The following CASP14 variants were observed in gnomAD, a reference collection of about 807,000 sequenced individuals.
The protein encoded by CASP14 is caspase-14.
Under a neutral mutation model 28.4 loss-of-function variants are expected in CASP14, and 27 were observed. That is an observed-to-expected ratio of 0.95 (90% CI 0.70 to 1.31). CASP14 has a LOEUF of 1.31. Among genes scored for constraint, CASP14 ranks in the 50% most tolerant of loss-of-function variants. The pLI is 0.00. For missense variants in CASP14, 323 were observed against 312.8 expected (o/e 1.03, Z -0.25); for synonymous variants, 115 against 118.6 (o/e 0.97, Z 0.20).
rs151300139 is a variant in CASP14, at chr19:15,052,391, G to A, written c.27+113G>A. On this transcript the variant is annotated intron_variant, in intron 2 of 6. Transcript: ENST00000427043. ...GAAAAAATCATGATCTGAACTCAGA[G>A]CTAGGAGGTACTTTGTAGTCAATCA... The A allele has an allele frequency of 9.6e-5, 102 of 1,066,524 alleles. No homozygotes were observed. In the African/African-American group the frequency reaches 1.6e-3, roughly 16 times the overall value. 66.1% of individuals were successfully genotyped at this position (1,066,524 alleles called of 1,614,324 possible). A position where few individuals can be genotyped will look rare whatever the true frequency, so the allele number is the denominator to read the frequency against.
rs144511666 is a variant in CASP14 at position 15,055,389 on chromosome 19, C to G, written c.521-41C>G. The stretch of plus-strand genomic sequence containing the variant: ...CCCTTCCAGGATCCCCTCTACCTAC[C>G]CTCTGAAGCTCCCCCGAACCCACCT... On this transcript the variant is annotated intron_variant, in intron 5 of 6. Transcript: ENST00000427043. 300 of 1,590,400 alleles carry G rather than the reference C, an allele frequency of 1.9e-4. 1 individual carries two copies. In the African/African-American group the frequency reaches 3.8e-3, roughly 20 times the overall value.
chr19:15,053,433 C>T (rs1437892518), intron 2 of CASP14, 49 bp from the exon 3 acceptor site: 1 of 1,610,252 alleles, frequency 6.2e-7, no homozygotes, highest in African/African-American at 1.3e-5. Flanking sequence ...ACTACATCTG[C>T]TTCTCCTTGA....
rs118114468 is a variant in CASP14, at chr19:15,054,180, C to A, written c.403+222C>A. ...TTGTAGACAGGGTCTGATTATGTTG[C>A]CCAGGCTGGTCTCAAACTCCTGAGC... On this transcript the variant is annotated intron_variant, in intron 4 of 6. Coordinates refer to ENST00000427043, the MANE Select transcript of CASP14 (RefSeq NM_012114.3). Among the ~76,000 whole-genome samples the A allele has an allele frequency of 4.4e-3, 671 of 152,216 alleles. 5 individuals are homozygous for A. The highest frequency in any genetic ancestry group is 6.8e-3 in the Non-Finnish European group (463 of 68,016).
At position 15,055,140 on chromosome 19, in the gene CASP14, CTCT is replaced by C. The variant is rs1371811987; in HGVS notation, c.404-13_404-11del. Reference sequence around the variant, plus strand: ...CCTTTCTCTCTGACTTTGCCTCCTCCTCTTCTTGTTGTTTCAGAACAAAGGGAC... The same window carrying C: ...CCTTTCTCTCTGACTTTGCCTCCTCCTCTTGTTGTTTCAGAACAAAGGGAC... On this transcript the variant is annotated splice_polypyrimidine_tract_variant and intron_variant, in intron 4 of 6. Transcript: ENST00000427043. 3.7e-6 allele frequency: 6 copies of C among 1,603,264 alleles called. No homozygotes were observed. Among genetic ancestry groups the C allele is most frequent in the African/African-American group, 1.3e-5 (1 of 74,670 alleles).
rs1379183049 is a variant in CASP14 at position 15,052,104 on chromosome 19, G to A, written c.-46-102G>A. The A allele has an allele frequency of 5.5e-6, 4 of 731,276 alleles. No homozygotes were observed. The African/African-American group carries it at 7.4e-5, about 13-fold the overall frequency. The allele number at this position is 731,276 out of a possible 1,614,324, so 45.3% of individuals were successfully genotyped here. ...CACAGACCAAATCCCCACCACTTGAGTGCTATTTGGTCTCAAAAATCCAGA... is the reference window on the plus strand; with the variant it reads ...CACAGACCAAATCCCCACCACTTGAATGCTATTTGGTCTCAAAAATCCAGA... On this transcript the variant is annotated intron_variant, in intron 1 of 6. Transcript: ENST00000427043.
chr19:15,053,677 G>C, intron 3 of CASP14, 46 bp downstream of exon 3: 1 of 1,613,914 alleles, frequency 6.2e-7, no homozygotes, highest in Non-Finnish European at 8.5e-7. Flanking sequence ...AAGGTACTAG[G>C]TTGGAAGTGT....
At chr19:15,055,750 C>T (rs2046113943) in intron 6 of CASP14, among the ~76,000 whole-genome samples, 1 of 152,134 alleles carries the variant, frequency 6.6e-6, no homozygotes, top group Admixed American at 6.5e-5. Flanking sequence ...TAAACAAATC[C>T]CCCTTGGATA....
In CASP14 at chr19:15,056,087, T is replaced by G. The variant is rs202225537; in HGVS notation, c.727T>G (p.Ter243GluextTer2). The change falls in exon 7 of 7, where the codon TAG (stop) becomes GAG (glutamate). Residue 243 changes from the stop codon to glutamate (E), a stop_lost. Transcript: ENST00000427043. ...CCTCCGGAAACGGCTGTATCTGCAG[T>G]AGAAGTAGAAAGACCAGGAGGAGCT... ...STLRKRLYLQ* is the reference protein window; with the variant it reads ...STLRKRLYLQE 1.3e-5 allele frequency: 20 copies of G among 1,589,670 alleles called. No individual in the cohort carries two copies. The highest frequency in any genetic ancestry group is 1.6e-5 in the Non-Finnish European group (19 of 1,166,376).
rs1600070219 is a variant in CASP14, at chr19:15,056,267, A to C, written c.*178A>C. On this transcript the variant is annotated 3_prime_UTR_variant, in exon 7 of 7. Transcript: ENST00000427043. ...GTCCTTATTAGAGCAAGCCAGCCAA[A>C]ACTTAGCACAAGGCATGGTGGCAAC... The C allele has an allele frequency of 1.1e-5, 6 of 527,380 alleles. No homozygotes were observed. The East Asian group carries it at 2.1e-4, about 19-fold the overall frequency. The allele number at this position is 527,380 out of a possible 1,614,324, so 32.7% of individuals were successfully genotyped here. A position where few individuals can be genotyped will look rare whatever the true frequency, so the allele number is the denominator to read the frequency against.
Position 15,053,919 on chromosome 19 carries a change from G to A in CASP14, c.364G>A (p.Ala122Thr). ...LNNKNCQALR[A>T]KPKVYIIQAC... ...CAACAAGAACTGCCAGGCCCTGCGAGCTAAGCCCAAGGTGTACATCATACA... is the reference window on the plus strand; with the variant it reads ...CAACAAGAACTGCCAGGCCCTGCGAACTAAGCCCAAGGTGTACATCATACA... The change falls in exon 4 of 7, where the codon GCT (alanine) becomes ACT (threonine). Residue 122 changes from alanine (A) to threonine (T), a missense_variant. Ala to Thr is a moderately conservative substitution (Grantham distance 58, BLOSUM62 0). Coordinates refer to ENST00000427043, the MANE Select transcript of CASP14 (RefSeq NM_012114.3). 1.2e-6 allele frequency: 2 copies of A among 1,614,074 alleles called. No individual in the cohort carries two copies. The highest frequency in any genetic ancestry group is 1.7e-6 in the Non-Finnish European group (2 of 1,180,012).
chr19:15,050,035 A>G (rs533145783), intron 1 of CASP14, among the ~76,000 whole-genome samples: 1 of 152,148 alleles, frequency 6.6e-6, no homozygotes, highest in Non-Finnish European at 1.5e-5. Flanking sequence ...GAGCTGTGAG[A>G]GTCCAGAGAA....
At chr19:15,050,407 CTG>C (rs1305748275) in intron 1 of CASP14, among the ~76,000 whole-genome samples, 1 of 151,386 alleles carries the variant, frequency 6.6e-6, no homozygotes, top group Non-Finnish European at 1.5e-5. Context: ...GGGAGCATGT[CTG>C]TCTTACTTAA....
chr19:15,052,377 G>T (rs2046095163), intron 2 of CASP14, 99 bp downstream of exon 2: 3 of 1,192,938 alleles, frequency 2.5e-6, no homozygotes, highest in Non-Finnish European at 3.4e-6. Flanking sequence ...AAAAAATCAT[G>T]ATCTGAACTC....
At chr19:15,055,799 A>G (rs1413411933) in intron 6 of CASP14, among the ~76,000 whole-genome samples, 186 bp from the exon 7 acceptor site, 2 of 152,164 alleles carry the variant, frequency 1.3e-5, no homozygotes, top group East Asian at 1.9e-4. Flanking sequence ...TTTAATGTTT[A>G]TATGTTTTTA....
chr19:15,054,929 C>T, intron 4 of CASP14: 3 of 478,404 alleles, frequency 6.3e-6, no homozygotes, highest in Non-Finnish European at 1.1e-5. Flanking sequence ...GTGTGAGCCA[C>T]CGTGCCCAGC....
At chr19:15,052,982 A>G (rs899006584) in intron 2 of CASP14, among the ~76,000 whole-genome samples, 1 of 152,252 alleles carries the variant, frequency 6.6e-6, no homozygotes, top group Non-Finnish European at 1.5e-5. Flanking sequence ...ATTATGTAGT[A>G]TAAGTATATC....
rs761060346 is a variant in CASP14 at position 15,056,105 on chromosome 19, G to A, written c.*16G>A. ...TCTGCAGTAGAAGTAGAAAGACCAGGAGGAGCTTTCCTTCCAGCATTCTTT... is the reference window on the plus strand; with the variant it reads ...TCTGCAGTAGAAGTAGAAAGACCAGAAGGAGCTTTCCTTCCAGCATTCTTT... On this transcript the variant is annotated 3_prime_UTR_variant, in exon 7 of 7. Coordinates refer to ENST00000427043, the MANE Select transcript of CASP14 (RefSeq NM_012114.3). 1 of 1,544,420 alleles carries A rather than the reference G, an allele frequency of 6.5e-7. No individual in the cohort carries two copies. The highest frequency in any genetic ancestry group is 8.8e-7 in the Non-Finnish European group (1 of 1,131,954).
In CASP14 at chr19:15,052,261, C is replaced by A; in HGVS notation, c.10C>A (p.Pro4Thr). ...CACAACCAAAGGAGAAATGAGCAAT[C>A]CGCGGTCTTTGGAAGAGGTAGGCTG... The part of the protein sequence containing the change: MSN[P>T]RSLEEEKYDM... The change falls in exon 2 of 7, where the codon CCG (proline) becomes ACG (threonine). Residue 4 changes from proline to threonine, a missense_variant. Physicochemically the swap from Pro to Thr is conservative, Grantham distance 38. Transcript: ENST00000427043. 1 of 1,592,080 alleles carries A rather than the reference C, an allele frequency of 6.3e-7. No homozygotes were observed. The highest frequency in any genetic ancestry group is 8.5e-7 in the Non-Finnish European group (1 of 1,170,480).
At chr19:15,055,933 C>T in intron 6 of CASP14, 52 bp from the exon 7 acceptor site, 5 of 1,433,736 alleles carry the variant, frequency 3.5e-6, no homozygotes, top group Non-Finnish European at 4.8e-6. Flanking sequence ...AACCCTCCCC[C>T]CATAAGTCCA....
Sources: gnomAD v4.1 joint callset for allele counts (sites outside exome capture counted in the v4.1 genomes callset) on GRCh38, gnomAD v4.1.1 for gene constraint, MANE v1.5 for transcripts, NCBI Gene and HGNC (gene_info 2026-07-23, HGNC 2026-07-21) for gene names.